Variants in ITGA9 observed in about 807,000 individuals in gnomAD.
ITGA9 encodes the protein integrin subunit alpha 9, also known as integrin alpha-9.
Under a neutral mutation model 127.8 loss-of-function variants are expected in ITGA9, and 56 were observed. The ratio of observed to expected loss-of-function variants is 0.44; its 90% CI spans 0.35 to 0.55. ITGA9 has a LOEUF of 0.55. ITGA9 is among the 20% of genes least tolerant of loss of function. ITGA9 has a pLI of 0.00. For missense variants in ITGA9, 1,196 were observed against 1,347.1 expected (o/e 0.89, Z 1.76); for synonymous variants, 508 against 514.5 (o/e 0.99, Z 0.17).
chr3:37,722,370 G>A (rs1473652876), intron 18 of ITGA9, among the ~76,000 whole-genome samples: 1 of 152,192 alleles, frequency 6.6e-6, no homozygotes, highest in African/African-American at 2.4e-5. Flanking sequence ...GTGGGTTTGA[G>A]TATATTTTCA....
At chr3:37,489,758 A>G (rs1698649179) in intron 4 of ITGA9, among the ~76,000 whole-genome samples, 1 of 144,460 alleles carries the variant, frequency 6.9e-6, no homozygotes, top group African/African-American at 2.6e-5. Context: ...TTGTACAATT[A>G]TCAGTTATTT....
intron 26 of ITGA9, among the ~76,000 whole-genome samples, chr3:37,794,529 C>T (rs1369023365): frequency 6.6e-6 from 1 of 152,218 alleles, no homozygotes; most frequent in Non-Finnish European, 1.5e-5. Flanking sequence ...TAACTAGATG[C>T]ACAGATGTGC....
chr3:37,474,944 T>C (rs912168400), intron 3 of ITGA9, among the ~76,000 whole-genome samples: 1 of 152,198 alleles, frequency 6.6e-6, no homozygotes, highest in Non-Finnish European at 1.5e-5. Context: ...CAATTAAGCA[T>C]CTCCCCCTTG....
chr3:37,491,829 A>G (rs1010288441), intron 4 of ITGA9, among the ~76,000 whole-genome samples: 1 of 152,244 alleles, frequency 6.6e-6, no homozygotes, highest in Non-Finnish European at 1.5e-5. Flanking sequence ...ATGAACATTT[A>G]GAAGATGGAT....
At chr3:37,815,238 ACTGT>A (rs1315707100) in intron 27 of ITGA9, among the ~76,000 whole-genome samples, 4 of 152,240 alleles carry the variant, frequency 2.6e-5, no homozygotes, top group Non-Finnish European at 5.9e-5. Flanking sequence ...TTGTTAACAC[ACTGT>A]CTATGTCAAA....
Position 37,711,254 on chromosome 3 carries a change from T to C in ITGA9, c.2068-21458T>C, listed in dbSNP as rs1474674610. ...GCTGTTGGCAGGGGGGCCTCAGTTCTTCAGTTCTTCTCCATATGGGTCCCT... is the reference window on the plus strand; with the variant it reads ...GCTGTTGGCAGGGGGGCCTCAGTTCCTCAGTTCTTCTCCATATGGGTCCCT... On this transcript the variant is annotated intron_variant, in intron 18 of 27. Transcript: ENST00000264741. 2.0e-5 allele frequency among the ~76,000 whole-genome samples: 3 copies of C among 152,166 alleles called. 1 individual carries two copies. The Middle Eastern group carries it at 9.5e-3, about 482-fold the overall frequency.
chr3:37,653,846 G>T (rs1381724546), intron 17 of ITGA9, 56 bp downstream of exon 17: 4 of 1,307,926 alleles, frequency 3.1e-6, no homozygotes, highest in East Asian at 4.6e-5. Flanking sequence ...CTTGACCCCA[G>T]GTCCCAAACC....
At chr3:37,485,465 C>T (rs950121763) in intron 4 of ITGA9, among the ~76,000 whole-genome samples, 8 of 152,006 alleles carry the variant, frequency 5.3e-5, no homozygotes, top group East Asian at 1.9e-4. Flanking sequence ...CAGTGGGAGT[C>T]GATGCTGTGA....
At chr3:37,480,250 G>A (rs552192781) in intron 3 of ITGA9, among the ~76,000 whole-genome samples, 42 of 152,086 alleles carry the variant, frequency 2.8e-4, no homozygotes, top group Non-Finnish European at 5.6e-4. Flanking sequence ...GCAGAAGGAC[G>A]ATCCAGGCCT....
chr3:37,709,050 C>CT (rs1319731822), intron 18 of ITGA9, among the ~76,000 whole-genome samples: 3 of 151,916 alleles, frequency 2.0e-5, no homozygotes, highest in Non-Finnish European at 2.9e-5. Flanking sequence ...TTTTCTTCTT[C>CT]TTTTTTTTAA....
chr3:37,736,376 G>T (rs902299516), intron 19 of ITGA9, among the ~76,000 whole-genome samples: 2 of 152,266 alleles, frequency 1.3e-5, no homozygotes, highest in African/African-American at 4.8e-5. Flanking sequence ...AACAAAGATG[G>T]AGTAGACCTT....
chr3:37,627,394 G>A (rs371560577), intron 15 of ITGA9, among the ~76,000 whole-genome samples: 3 of 151,938 alleles, frequency 2.0e-5, no homozygotes, highest in Non-Finnish European at 4.4e-5. Flanking sequence ...GGGCTGCTGC[G>A]GGAGATTTCC....
At chr3:37,729,835 C>A (rs930936246) in intron 18 of ITGA9, among the ~76,000 whole-genome samples, 1 of 151,220 alleles carries the variant, frequency 6.6e-6, no homozygotes, top group African/African-American at 2.4e-5. Flanking sequence ...TTCTGAGTAG[C>A]TGGGACTACA....
intron 16 of ITGA9, among the ~76,000 whole-genome samples, chr3:37,636,815 T>G (rs1700283931): frequency 1.3e-5 from 2 of 151,940 alleles, no homozygotes; most frequent in Admixed American, 1.3e-4. Flanking sequence ...TTGTATAAGG[T>G]GTAAGGAAGG....
intron 18 of ITGA9, among the ~76,000 whole-genome samples, chr3:37,697,307 GTTATTATTATTATTATTA>G (rs143332603): frequency 0.01 from 1,508 of 143,662 alleles, 16 homozygotes; most frequent in Non-Finnish European, 0.016. Flanking sequence ...GACTACTTCT[GTTATTATTATTATTATTA>G]TTATTATTAT....
At chr3:37,558,985 A>G (rs1002597648) in intron 15 of ITGA9, among the ~76,000 whole-genome samples, 3 of 152,086 alleles carry the variant, frequency 2.0e-5, no homozygotes, top group African/African-American at 7.3e-5. Context: ...TTCCACCTGT[A>G]TTTGTGTTAC....
At chr3:37,771,096 T>C (rs569990670) in intron 23 of ITGA9, among the ~76,000 whole-genome samples, 7 of 152,120 alleles carry the variant, frequency 4.6e-5, no homozygotes, top group Admixed American at 6.5e-5. Flanking sequence ...CCCTGAGAGA[T>C]AAGCAGCCAT....
intron 22 of ITGA9, among the ~76,000 whole-genome samples, chr3:37,744,582 A>G (rs770085718): frequency 6.6e-6 from 1 of 152,212 alleles, no homozygotes; most frequent in Non-Finnish European, 1.5e-5. Flanking sequence ...CCAGGCACAC[A>G]GGCATCATTT....
intron 23 of ITGA9, among the ~76,000 whole-genome samples, chr3:37,766,195 C>G (rs530847465): frequency 6.6e-6 from 1 of 152,292 alleles, no homozygotes; most frequent in East Asian, 1.9e-4. Flanking sequence ...GCTTCGGAAG[C>G]GCAAAAACAG....
Sources: allele counts gnomAD v4.1 joint callset (sites outside exome capture counted in the v4.1 genomes callset), GRCh38; gene constraint gnomAD v4.1.1; transcripts MANE v1.5; gene names NCBI Gene and HGNC (gene_info 2026-07-23, HGNC 2026-07-21).